PSMD6: variants seen among roughly 807,000 people sequenced by gnomAD.
The protein encoded by PSMD6 is proteasome 26S subunit, non-ATPase 6, also known as 26S proteasome non-ATPase regulatory subunit 6.
PSMD6 carries 7 observed loss-of-function variants against 44.9 expected under a neutral mutation model. That is an observed-to-expected ratio of 0.16 (90% CI 0.09 to 0.29). The LOEUF (loss-of-function observed/expected upper bound fraction) is 0.29, where lower values mean the gene tolerates loss of function less well. Ranked by LOEUF, PSMD6 falls within the 10% of genes least tolerant of loss-of-function variation. The probability of loss-of-function intolerance (pLI) is 1.00; values close to 1 mark genes in which losing one functional copy is unlikely to be tolerated. For synonymous variants in PSMD6, 184 were observed against 172.7 expected, an observed-to-expected ratio of 1.07 and a Z score of -0.51; for missense variants, 420 against 482.6, an observed-to-expected ratio of 0.87 and a Z score of 1.21.
intron 7 of PSMD6, 31 bp from the exon 8 acceptor site, chr3:64,010,795 T>G (rs747030579): frequency 3.8e-6 from 6 of 1,582,204 alleles, no homozygotes; most frequent in Non-Finnish European, 5.2e-6. Flanking sequence ...AAATGAATTA[T>G]TTACCAGTCA....
At chr3:64,019,615 T>C (rs2076098838) in intron 2 of PSMD6, 174 bp from the exon 3 acceptor site, 1 of 563,854 alleles carries the variant, frequency 1.8e-6, no homozygotes, top group Non-Finnish European at 2.9e-6. Context: ...AAGGGTTTAT[T>C]ATTCTACTTT....
intron 1 of PSMD6, chr3:64,022,886 G>T (rs184009472): frequency 6.7e-7 from 1 of 1,500,312 alleles, no homozygotes; most frequent in African/African-American, 1.4e-5. Flanking sequence ...GGGCCAGAAA[G>T]AACCGAACCC....
chr3:64,015,609 G>C (rs1214028344), intron 5 of PSMD6: 3 of 152,120 alleles, frequency 2.0e-5, no homozygotes, highest in African/African-American at 7.2e-5. Context: ...GACATGAAAA[G>C]ATATACACGT....
chr3:64,018,732 A>G, intron 4 of PSMD6, 25 bp from the exon 5 acceptor site: 1 of 1,498,042 alleles, frequency 6.7e-7, no homozygotes, highest in Non-Finnish European at 9.1e-7. Context: ...AAACATATAT[A>G]CAAAAAAAAT....
chr3:64,021,873 C>T (rs1203267742), intron 2 of PSMD6, among the ~76,000 whole-genome samples: 1 of 151,920 alleles, frequency 6.6e-6, no homozygotes, highest in Non-Finnish European at 1.5e-5. Context: ...ACTGAAAAGC[C>T]TATCCCTGGG....
chr3:64,015,414 G>A (rs973620460), intron 5 of PSMD6: 3 of 152,150 alleles, frequency 2.0e-5, no homozygotes, highest in South Asian at 2.1e-4. Flanking sequence ...AAACGACCTC[G>A]TTTTCTATCA....
chr3:64,019,447 A>G lies in PSMD6; in HGVS notation c.352-6T>C. The G allele has an allele frequency of 1.2e-6, 2 of 1,608,758 alleles. No homozygotes were observed. The highest frequency in any genetic ancestry group is 1.7e-6 in the Non-Finnish European group (2 of 1,178,476). ...AAGGCTGTCAGAGCTCCCTCCTGTCAAGAAAGCCAAGGCAATAGGTGAGAA... is the reference window on the plus strand; with the variant it reads ...AAGGCTGTCAGAGCTCCCTCCTGTCGAGAAAGCCAAGGCAATAGGTGAGAA... On this transcript the variant is annotated splice_region_variant and splice_polypyrimidine_tract_variant and intron_variant, in intron 2 of 7. Transcript: ENST00000295901.
chr3:64,023,347 G>A lies in PSMD6; in HGVS notation c.73C>T (p.Leu25=). ...CCGCGGTGCTCGGGCAGGCTGAGCA[G>A]GAAGCGCAGCTGCGCGATACGCAAG... ...PDLRIAQLRF[L]LSLPEHRGDA... is the part of the protein sequence containing the mutation. Residue 25 remains leucine, a synonymous_variant, in exon 1 of 8, where the codon CTG becomes TTG. Coordinates refer to ENST00000295901, the MANE Select transcript of PSMD6 (RefSeq NM_014814.3). 2 of 1,610,356 alleles carry A rather than the reference G, an allele frequency of 1.2e-6. No individual in the cohort carries two copies.
In PSMD6 at chr3:64,023,453, A is replaced by C; in HGVS notation, c.-34T>G. On this transcript the variant is annotated 5_prime_UTR_variant, in exon 1 of 8. Coordinates refer to ENST00000295901, the MANE Select transcript of PSMD6 (RefSeq NM_014814.3). Reference sequence around the variant, plus strand: ...AGGGGACAGCGGCTGACAGGACACAACTTGGTTACGACCGGCTGCGGCAGC... The same window carrying C: ...AGGGGACAGCGGCTGACAGGACACACCTTGGTTACGACCGGCTGCGGCAGC... 1.3e-6 allele frequency: 2 copies of C among 1,553,966 alleles called. No homozygotes were observed. Among genetic ancestry groups the C allele is most frequent in the Non-Finnish European group, 8.7e-7 (1 of 1,143,182 alleles).
Position 64,022,518 on chromosome 3 carries a change from C to A in PSMD6, c.151G>T (p.Ala51Ser), listed in dbSNP as rs765605705. ...TTGCACAAGGCTTCATAGTAAGGAG[C>A]CATGTCTAACATGCAAAAAGAGGGA... ...LMAAVRDNNM[A>S]PYYEALCKSL... The change falls in exon 2 of 8, where the codon GCT (alanine) becomes TCT (serine). Residue 51 changes from alanine to serine, a missense_variant. By Grantham distance (99) the Ala-to-Ser change is moderately conservative. Around this residue, in one of 4 missense-constraint regions of PSMD6, gnomAD observed 136 missense variants for 124.2 expected, o/e 1.09. Transcript: ENST00000295901. 1.2e-6 allele frequency: 2 copies of A among 1,613,670 alleles called. No individual in the cohort carries two copies. Among genetic ancestry groups the A allele is most frequent in the East Asian group, 4.5e-5 (2 of 44,884 alleles).
At chr3:64,010,797 T>C (rs369084169) in intron 7 of PSMD6, 33 bp from the exon 8 acceptor site, 2 of 1,579,458 alleles carry the variant, frequency 1.3e-6, no homozygotes, top group African/African-American at 2.7e-5. Flanking sequence ...ATGAATTATT[T>C]ACCAGTCACA....
At chr3:64,015,228 T>C (rs1197107806) in intron 5 of PSMD6, 7 of 152,220 alleles carry the variant, frequency 4.6e-5, no homozygotes, top group African/African-American at 1.4e-4. Flanking sequence ...GAGAGAAGTA[T>C]AAATTGTGTA....
intron 2 of PSMD6, 33 bp downstream of exon 2, chr3:64,022,285 T>C (rs757771953): frequency 6.2e-7 from 1 of 1,609,800 alleles, no homozygotes; most frequent in African/African-American, 1.3e-5. Flanking sequence ...TAGCCTATAC[T>C]AACTACAGAG....
intron 6 of PSMD6, chr3:64,012,611 T>TCC (rs2075977306): frequency 1.3e-5 from 2 of 152,066 alleles, no homozygotes; most frequent in African/African-American, 4.8e-5. Flanking sequence ...TACCTAACTC[T>TCC]CCATATATTA....
At chr3:64,013,212 G>C (rs1241924970) in intron 6 of PSMD6, 1 of 427,110 alleles carries the variant, frequency 2.3e-6, no homozygotes, top group Non-Finnish European at 4.1e-6. Context: ...AAATCACTTA[G>C]CCTCACTACA....
chr3:64,017,408 G>T (rs1443590679), intron 5 of PSMD6: 1 of 151,860 alleles, frequency 6.6e-6, no homozygotes, highest in Non-Finnish European at 1.5e-5. Flanking sequence ...CAATTTTTTT[G>T]AAGGAGGGAG....
chr3:64,022,360 T>G lies in PSMD6; in HGVS notation c.309A>C (p.Ala103=). The G allele has an allele frequency of 6.2e-7, 1 of 1,614,272 alleles. No individual in the cohort carries two copies. Among genetic ancestry groups the G allele is most frequent in the Non-Finnish European group, 8.5e-7 (1 of 1,180,056 alleles). ...KNLGESEIRD[A]MMAKAEYLCR... is the part of the protein sequence containing the mutation. ...AGAGGTACTCGGCCTTTGCCATCAT[T>G]GCATCGCGAATTTCGCTCTCTCCTA... The change falls in exon 2 of 8, where the codon GCA becomes GCC. Residue 103 remains alanine (A), a synonymous_variant. Coordinates refer to ENST00000295901, the MANE Select transcript of PSMD6 (RefSeq NM_014814.3).
rs779061924 is a variant in PSMD6, at chr3:64,013,452, C to G, written c.982G>C (p.Glu328Gln). The change falls in exon 6 of 8, where the codon GAA (glutamate) becomes CAA (glutamine). Residue 328 changes from glutamate (E) to glutamine (Q), a missense_variant. Physicochemically the swap from Glu to Gln is conservative, Grantham distance 29 (BLOSUM62 2). Around this residue, in one of 4 missense-constraint regions of PSMD6, gnomAD observed 63 missense variants for 112.1 expected, o/e 0.56. Coordinates refer to ENST00000295901, the MANE Select transcript of PSMD6 (RefSeq NM_014814.3). ...ATTCAAACTTACTGATCAATGAATT[C>G]CACACCAACACCAAACGCTTCTGCC... The part of the protein sequence containing the change: ...YMAEAFGVGV[E>Q]FIDQELSRFI... 1.9e-6 allele frequency: 3 copies of G among 1,572,680 alleles called. No homozygotes were observed. In the Admixed American group the frequency reaches 5.9e-5, roughly 31 times the overall value.
intron 3 of PSMD6, 49 bp downstream of exon 3, chr3:64,019,247 T>C (rs546895157): frequency 4.4e-5 from 67 of 1,526,226 alleles, no homozygotes; most frequent in South Asian, 4.2e-4. Context: ...AGCTTCTCAT[T>C]TGTAGCATCA....
Sources: allele counts gnomAD v4.1 joint callset (sites outside exome capture counted in the v4.1 genomes callset), GRCh38; gene constraint gnomAD v4.1.1; regional missense constraint gnomAD v4.1.1; transcripts MANE v1.5; gene names NCBI Gene and HGNC (gene_info 2026-07-23, HGNC 2026-07-21).